Variants in LARS1 observed in about 807,000 individuals in gnomAD.
LARS1 encodes the protein leucyl-tRNA synthetase 1.
LARS1 carries 100 observed loss-of-function variants against 162.8 expected under a neutral mutation model. The observed-to-expected ratio is 0.61, with a 90% CI of 0.52 to 0.73. LARS1 has a LOEUF of 0.73. LARS1 is among the 30% of genes least tolerant of loss of function. The pLI, the probability that LARS1 is intolerant of heterozygous loss-of-function variation, is 0.00. For missense variants in LARS1, 1,258 were observed against 1,408.9 expected, an observed-to-expected ratio of 0.89 and a Z score of 1.71; for synonymous variants, 457 against 462.8, an observed-to-expected ratio of 0.99 and a Z score of 0.16.
rs145909725 is a variant in LARS1, at chr5:146,164,301, T to C, written c.594+9A>G. On this transcript the variant is annotated intron_variant, in intron 6 of 31. Transcript: ENST00000394434. ...AAATGCTTTCCTCATATTTCCTTTA[T>C]AGACATACCTTCAAACCCATTCTTT... 6 of 1,611,764 alleles carry C rather than the reference T, an allele frequency of 3.7e-6. No homozygotes were observed. In the Admixed American group the frequency reaches 6.7e-5, roughly 18 times the overall value.
chr5:146,133,210 T>G, intron 22 of LARS1, 129 bp from the exon 23 acceptor site: 1 of 654,652 alleles, frequency 1.5e-6, no homozygotes, highest in Non-Finnish European at 2.4e-6. Context: ...AGGACTGTCC[T>G]GGATCAACAA....
In LARS1 at chr5:146,114,011, T is replaced by C; in HGVS notation, c.*95A>G. 1.1e-6 allele frequency: 1 copy of C among 881,778 alleles called. No individual in the cohort carries two copies. The highest frequency in any genetic ancestry group is 1.9e-6 in the Non-Finnish European group (1 of 528,074). The allele number at this position is 881,778 out of a possible 1,614,324, so 54.6% of individuals were successfully genotyped here. ...TGGTTAGAAATGAAATCAATCTATTTAGGTCCAGCCTAAGGTTCTGATAGC... is the reference window on the plus strand; with the variant it reads ...TGGTTAGAAATGAAATCAATCTATTCAGGTCCAGCCTAAGGTTCTGATAGC... On this transcript the variant is annotated 3_prime_UTR_variant, in exon 32 of 32. Coordinates refer to ENST00000394434, the MANE Select transcript of LARS1 (RefSeq NM_020117.11).
chr5:146,133,039 T>C lies in LARS1; in HGVS notation c.2255A>G (p.Asp752Gly). ...ALADAGDTVEDANFVEAMADA... is the reference protein window; with the variant it reads ...ALADAGDTVEGANFVEAMADA... ...TGCCATGGCTTCCACAAAGTTGGCA[T>C]CTTCTACAGTGTCACCAGCATCAGC... The change falls in exon 23 of 32, where the codon GAT becomes GGT. Residue 752 changes from aspartate (D) to glycine (G), a missense_variant. Transcript: ENST00000394434. 6.2e-7 allele frequency: 1 copy of C among 1,614,086 alleles called. No homozygotes were observed. The highest frequency in any genetic ancestry group is 1.3e-5 in the African/African-American group (1 of 75,020).
In LARS1 at chr5:146,129,052, A is replaced by G. The variant is rs772342547; in HGVS notation, c.2695T>C (p.Ser899Pro). 1 of 1,610,956 alleles carries G rather than the reference A, an allele frequency of 6.2e-7. No homozygotes were observed. Residue 899 changes from serine to proline, a missense_variant, in exon 26 of 32, where the codon TCA becomes CCA. Physicochemically the swap from Ser to Pro is moderately conservative, Grantham distance 74. Transcript: ENST00000394434. ...GPVNEVLIHS[S>P]QYLMEVTHDL... ...TGTGTTACTTCCATAAGATACTGTG[A>G]GGAGTGTATTAAAACTTCATTAACA...
rs1330294601 is a variant in LARS1 at position 146,144,625 on chromosome 5, A to G, written c.1588T>C (p.Trp530Arg). 6 of 1,613,914 alleles carry G rather than the reference A, an allele frequency of 3.7e-6. No homozygotes were observed. The African/African-American group carries it at 6.7e-5, about 18-fold the overall frequency. The change falls in exon 16 of 32, where the codon TGG becomes CGG. Residue 530 changes from tryptophan to arginine, a missense_variant and splice_region_variant. Physicochemically the swap from Trp to Arg is moderately radical, Grantham distance 101. Coordinates refer to ENST00000394434, the MANE Select transcript of LARS1 (RefSeq NM_020117.11). Reference sequence around the variant, plus strand: ...ATTTTCTTGCTATAAGAGACTAACCACTGGTCACACAGAGCCACAACACAT... The same window carrying G: ...ATTTTCTTGCTATAAGAGACTAACCGCTGGTCACACAGAGCCACAACACAT... Reference protein sequence around the residue: ...DECVVALCDQWYLDYGEENWK... With the variant: ...DECVVALCDQRYLDYGEENWK...
rs1402190982 is a variant in LARS1 at position 146,174,732 on chromosome 5, C to A, written c.126-1958G>T. ...GAACTGGTTACTTAGCCTCTCTGTG[C>A]CTCAGTTTCCTCAGCTGTAAAAGAG... is the stretch of plus-strand genomic sequence containing the variant. On this transcript the variant is annotated intron_variant, in intron 2 of 31. Transcript: ENST00000394434. Among the ~76,000 whole-genome samples, 9 of 151,216 alleles carry A rather than the reference C, an allele frequency of 6.0e-5. No individual in the cohort carries two copies. In the East Asian group the frequency reaches 1.6e-3, roughly 26 times the overall value.
chr5:146,114,398 C>T (rs1764107987), intron 31 of LARS1, 87 bp from the exon 32 acceptor site: 3 of 1,039,452 alleles, frequency 2.9e-6, no homozygotes, highest in Admixed American at 2.3e-5. Flanking sequence ...TTTAAATACG[C>T]TGGTTGTTAT....
chr5:146,177,256 G>A (rs191725643), intron 2 of LARS1, among the ~76,000 whole-genome samples: 1 of 151,538 alleles, frequency 6.6e-6, no homozygotes, highest in Non-Finnish European at 1.5e-5. Flanking sequence ...CACGAGGTCA[G>A]AAGATCGAGA....
intron 2 of LARS1, among the ~76,000 whole-genome samples, chr5:146,173,012 CA>C (rs1754346185): frequency 6.6e-6 from 1 of 152,046 alleles, no homozygotes; most frequent in Non-Finnish European, 1.5e-5. Flanking sequence ...AGCCTTGTAA[CA>C]AATACTAGAG....
At position 146,154,506 on chromosome 5, in the gene LARS1, G is replaced by A. The variant is rs145062951; in HGVS notation, c.1066-526C>T. ...TAAAAAATGAATACAGGCTGAGCGC[G>A]GTGGCTAACGCCTGTAAACCCAGCA... On this transcript the variant is annotated intron_variant, in intron 10 of 31. Coordinates refer to ENST00000394434, the MANE Select transcript of LARS1 (RefSeq NM_020117.11). Among the ~76,000 whole-genome samples the A allele has an allele frequency of 1.4e-4, 22 of 152,278 alleles. No homozygotes were observed. The East Asian group carries it at 3.5e-3, about 24-fold the overall frequency.
intron 6 of LARS1, among the ~76,000 whole-genome samples, chr5:146,163,853 C>T (rs1753887555): frequency 6.6e-6 from 1 of 152,084 alleles, no homozygotes; most frequent in Admixed American, 6.6e-5. Flanking sequence ...TGTGACTCTC[C>T]CTTTCACATG....
chr5:146,146,208 C>T (rs996590972), intron 15 of LARS1, among the ~76,000 whole-genome samples: 10 of 151,830 alleles, frequency 6.6e-5, no homozygotes, highest in Non-Finnish European at 7.4e-5. Context: ...GGCATGGTGG[C>T]GCACACCTGT....
At chr5:146,176,364 A>G (rs1000314081) in intron 2 of LARS1, among the ~76,000 whole-genome samples, 4 of 150,558 alleles carry the variant, frequency 2.7e-5, no homozygotes, top group Non-Finnish European at 5.9e-5. Flanking sequence ...AGGCAGGAGA[A>G]TCGCTTTAAC....
chr5:146,133,202 G>A, intron 22 of LARS1, 121 bp from the exon 23 acceptor site: 1 of 767,636 alleles, frequency 1.3e-6, no homozygotes, highest in South Asian at 2.0e-5. Context: ...TGCTTTAAAG[G>A]ACTGTCCTGG....
chr5:146,165,391 C>T (rs1013806047), intron 5 of LARS1, among the ~76,000 whole-genome samples: 2 of 151,460 alleles, frequency 1.3e-5, no homozygotes, highest in African/African-American at 4.9e-5. Flanking sequence ...ATTAGCTGGG[C>T]GTGGTGGCAC....
At chr5:146,170,885 G>GAA (rs201743208) in intron 4 of LARS1, among the ~76,000 whole-genome samples, 14 of 135,504 alleles carry the variant, frequency 1.0e-4, no homozygotes, top group South Asian at 4.6e-4. Context: ...CTCCAACTCA[G>GAA]AAAAAAAAAA....
intron 15 of LARS1, among the ~76,000 whole-genome samples, chr5:146,145,858 C>T (rs996684514): frequency 1.3e-5 from 2 of 152,042 alleles, no homozygotes; most frequent in Non-Finnish European, 1.5e-5. Flanking sequence ...CATGAACCTA[C>T]AAAGTCAAAA....
Position 146,182,530 on chromosome 5 carries a change from G to T in LARS1, c.-37C>A. 1 of 1,613,830 alleles carries T rather than the reference G, an allele frequency of 6.2e-7. No individual in the cohort carries two copies. Among genetic ancestry groups the T allele is most frequent in the Non-Finnish European group, 8.5e-7 (1 of 1,179,880 alleles). ...GCCGACTGTGCAAATCCACGACAAT[G>T]ACCCTGGCGACCTCCACAAAGGAGT... On this transcript the variant is annotated 5_prime_UTR_variant, in exon 1 of 32. Coordinates refer to ENST00000394434, the MANE Select transcript of LARS1 (RefSeq NM_020117.11).
chr5:146,179,585 C>A, intron 1 of LARS1: 1 of 279,252 alleles, frequency 3.6e-6, no homozygotes, highest in Non-Finnish European at 7.8e-6. Context: ...TATGAAATTT[C>A]ACTGTATTTA....
Sources: gnomAD v4.1 joint callset for allele counts (sites outside exome capture counted in the v4.1 genomes callset) on GRCh38, gnomAD v4.1.1 for gene constraint, MANE v1.5 for transcripts, NCBI Gene and HGNC (gene_info 2026-07-23, HGNC 2026-07-21) for gene names.